The following CDC73 variants were observed in gnomAD, a reference collection of about 807,000 sequenced individuals.
The protein encoded by CDC73 is cell division cycle 73, also known as parafibromin.
In CDC73, 21 loss-of-function variants were observed where a neutral mutation model predicts 83.7. The observed-to-expected ratio is 0.25, with a 90% CI of 0.18 to 0.36. CDC73 has a LOEUF of 0.36. CDC73 is among the 10% of genes least tolerant of loss of function. The pLI is 1.00. For synonymous variants in CDC73, 224 were observed against 212.9 expected, an observed-to-expected ratio of 1.05 and a Z score of -0.45; for missense variants, 342 against 653.3, an observed-to-expected ratio of 0.52 and a Z score of 5.19.
At chr1:193,229,926 A>C (rs974670786) in intron 13 of CDC73, among the ~76,000 whole-genome samples, 18 of 152,210 alleles carry the variant, frequency 1.2e-4, no homozygotes, top group Admixed American at 2.6e-4. Flanking sequence ...AAGGTATATA[A>C]GGAAACTTTC....
Position 193,253,552 on chromosome 1 carries a change from A to G in CDC73, c.*2840A>G, listed in dbSNP as rs1678077861. 4 of 232,150 alleles carry G rather than the reference A, an allele frequency of 1.7e-5. No individual in the cohort carries two copies. Among genetic ancestry groups the G allele is most frequent in the Admixed American group, 1.7e-4 (3 of 17,760 alleles). 14.4% of individuals were successfully genotyped at this position (232,150 alleles called of 1,614,324 possible). A position where few individuals can be genotyped will look rare whatever the true frequency, so the allele number is the denominator to read the frequency against. On this transcript the variant is annotated 3_prime_UTR_variant, in exon 17 of 17. Transcript: ENST00000367435. ...TATTTTACTGTTTAATATTTAAACA[A>G]TGTTTAATGTATTTCATTATTAACT... is the stretch of plus-strand genomic sequence containing the variant.
intron 5 of CDC73, among the ~76,000 whole-genome samples, chr1:193,136,234 A>G (rs184492837): frequency 6.6e-6 from 1 of 152,288 alleles, no homozygotes; most frequent in African/African-American, 2.4e-5. Context: ...CTATGTTTCT[A>G]TAAAAAACTT....
rs1188560955 is a variant in CDC73, at chr1:193,162,145, A to ATC, written c.972+9702_972+9703insCT. ...TATTATATTGTATATAATATATATTATATATTATCTATTATATTGTATATA... is the reference window on the plus strand; with the variant it reads ...TATTATATTGTATATAATATATATTATCTATATTATCTATTATATTGTATATA... On this transcript the variant is annotated intron_variant, in intron 10 of 16. Coordinates refer to ENST00000367435, the MANE Select transcript of CDC73 (RefSeq NM_024529.5). Among the ~76,000 whole-genome samples the ATC allele has an allele frequency of 2.8e-3, 135 of 47,820 alleles. 24 individuals carry two copies. Among genetic ancestry groups the ATC allele is most frequent in the African/African-American group, 0.012 (131 of 10,676 alleles). The allele number at this position is 47,820 out of a possible 152,430, so 31.4% of individuals were successfully genotyped here. A position where few individuals can be genotyped will look rare whatever the true frequency, so the allele number is the denominator to read the frequency against.
intron 7 of CDC73, among the ~76,000 whole-genome samples, chr1:193,144,814 AC>A (rs1266050694): frequency 1.2e-4 from 15 of 127,032 alleles, no homozygotes; most frequent in Admixed American, 3.4e-4. Context: ...TATTTGGCAG[AC>A]TTTTTTTTTT....
At chr1:193,152,036 A>G (rs1162905133) in intron 9 of CDC73, among the ~76,000 whole-genome samples, 1 of 152,184 alleles carries the variant, frequency 6.6e-6, no homozygotes, top group Non-Finnish European at 1.5e-5. Flanking sequence ...TTTTCATGGT[A>G]TTAGATGCTT....
intron 10 of CDC73, among the ~76,000 whole-genome samples, chr1:193,201,351 A>G (rs1424717070): frequency 6.6e-6 from 1 of 152,196 alleles, no homozygotes; most frequent in Non-Finnish European, 1.5e-5. Flanking sequence ...GATAGTAGAT[A>G]TTATAAAGTG....
At chr1:193,173,345 A>G (rs541359297) in intron 10 of CDC73, among the ~76,000 whole-genome samples, 23 of 152,312 alleles carry the variant, frequency 1.5e-4, no homozygotes, top group African/African-American at 5.3e-4. Context: ...ACCATTTTTA[A>G]AGGCTCTCCT....
intron 1 of CDC73, among the ~76,000 whole-genome samples, chr1:193,124,353 T>C (rs975717303): frequency 6.6e-6 from 1 of 152,022 alleles, no homozygotes; most frequent in Non-Finnish European, 1.5e-5. Flanking sequence ...TTGGGTTTCA[T>C]AGTACAATAA....
intron 14 of CDC73, among the ~76,000 whole-genome samples, chr1:193,235,638 G>A (rs1204945643): frequency 1.3e-5 from 2 of 152,042 alleles, no homozygotes; most frequent in Non-Finnish European, 2.9e-5. Flanking sequence ...TGGGTTGTTT[G>A]GTTGGGAAAA....
At chr1:193,193,020 T>C (rs1463046074) in intron 10 of CDC73, among the ~76,000 whole-genome samples, 1 of 152,180 alleles carries the variant, frequency 6.6e-6, no homozygotes, top group Non-Finnish European at 1.5e-5. Context: ...CTTCCGGCCT[T>C]CCAAGAAGGT....
rs1041992562 is a variant in CDC73, at chr1:193,250,739, A to G, written c.*27A>G. ...TTATTTGGCTCCTCCATTTCTGGAA[A>G]TTGAGACTCAAGCTTTATGAATTTA... is the stretch of plus-strand genomic sequence containing the variant. On this transcript the variant is annotated 3_prime_UTR_variant, in exon 17 of 17. Coordinates refer to ENST00000367435, the MANE Select transcript of CDC73 (RefSeq NM_024529.5). 1 of 1,586,166 alleles carries G rather than the reference A, an allele frequency of 6.3e-7. No homozygotes were observed. Among genetic ancestry groups the G allele is most frequent in the African/African-American group, 1.3e-5 (1 of 74,414 alleles).
chr1:193,219,900 TAAAG>T (rs1351994260), intron 13 of CDC73, among the ~76,000 whole-genome samples: 4 of 152,096 alleles, frequency 2.6e-5, no homozygotes, highest in African/African-American at 9.7e-5. Flanking sequence ...AACAGCAAAA[TAAAG>T]AAATTGGGTT....
intron 15 of CDC73, among the ~76,000 whole-genome samples, chr1:193,249,378 T>C (rs1334200382): frequency 6.6e-6 from 1 of 152,070 alleles, no homozygotes; most frequent in African/African-American, 2.4e-5. Flanking sequence ...AAAAATGCAA[T>C]GAGGTACCAG....
intron 15 of CDC73, 85 bp from the exon 16 acceptor site, chr1:193,249,645 C>G (rs574972313): frequency 2.0e-6 from 2 of 988,380 alleles, no homozygotes; most frequent in African/African-American, 1.6e-5. Flanking sequence ...AGTTATAATA[C>G]GGCTTCAGTT....
chr1:193,176,789 T>C (rs1336186577), intron 10 of CDC73, among the ~76,000 whole-genome samples: 2 of 152,194 alleles, frequency 1.3e-5, no homozygotes, highest in African/African-American at 4.8e-5. Context: ...AAATGGTAGG[T>C]GACCAAACAG....
intron 10 of CDC73, among the ~76,000 whole-genome samples, chr1:193,178,099 A>G (rs745886555): frequency 7.9e-5 from 12 of 152,282 alleles, no homozygotes; most frequent in Non-Finnish European, 1.6e-4. Flanking sequence ...TATATACACT[A>G]TCAGCTTATT....
chr1:193,190,099 A>C (rs886143538), intron 10 of CDC73, among the ~76,000 whole-genome samples: 8 of 152,168 alleles, frequency 5.3e-5, no homozygotes, highest in African/African-American at 1.9e-4. Context: ...GAATTCAAGG[A>C]ATTAATTTCA....
chr1:193,174,529 C>A (rs569250553), intron 10 of CDC73, among the ~76,000 whole-genome samples: 2 of 152,232 alleles, frequency 1.3e-5, no homozygotes, highest in African/African-American at 4.8e-5. Context: ...TCCATACTTT[C>A]ATATGGGTGT....
In CDC73 at chr1:193,184,716, A is replaced by T. The variant is rs184374639; in HGVS notation, c.973-19079A>T. ...AATATTGAGAGATTAAGGTACCAAG[A>T]GGGACTTGAAATTTTTACAACCATA... is the stretch of plus-strand genomic sequence containing the variant. On this transcript the variant is annotated intron_variant, in intron 10 of 16. Coordinates refer to ENST00000367435, the MANE Select transcript of CDC73 (RefSeq NM_024529.5). Among the ~76,000 whole-genome samples the T allele has an allele frequency of 7.4e-3, 1,126 of 152,046 alleles. 28 individuals are homozygous for T. Among genetic ancestry groups the T allele is most frequent in the Non-Finnish European group, 5.0e-3 (339 of 67,836 alleles).
Sources: allele counts gnomAD v4.1 joint callset (sites outside exome capture counted in the v4.1 genomes callset), GRCh38; gene constraint gnomAD v4.1.1; transcripts MANE v1.5; gene names NCBI Gene and HGNC (gene_info 2026-07-23, HGNC 2026-07-21).